Variants in STX8 observed in about 807,000 individuals in gnomAD.
The protein encoded by STX8 is syntaxin-8.
In STX8, 23 loss-of-function variants were observed where a neutral mutation model predicts 37.5. That is an observed-to-expected ratio of 0.61 (90% CI 0.44 to 0.87). STX8 has a LOEUF of 0.87. Among genes scored for constraint, STX8 ranks in the 40% least tolerant of loss-of-function variants. STX8 has a pLI of 0.00. For synonymous variants in STX8, 115 were observed against 99.1 expected, an observed-to-expected ratio of 1.16 and a Z score of -0.95; for missense variants, 313 against 284.7, an observed-to-expected ratio of 1.10 and a Z score of -0.71.
At chr17:9,281,242 G>C (rs1907869626) in intron 7 of STX8, among the ~76,000 whole-genome samples, 1 of 152,198 alleles carries the variant, frequency 6.6e-6, no homozygotes, top group East Asian at 1.9e-4. Context: ...CTGTGGGAAG[G>C]AAAAGCAGTG....
chr17:9,376,415 G>A (rs781020724), intron 7 of STX8, among the ~76,000 whole-genome samples: 4 of 141,680 alleles, frequency 2.8e-5, no homozygotes, highest in Non-Finnish European at 5.9e-5. Flanking sequence ...TGTAAAAATA[G>A]ACCAATCAGC....
intron 7 of STX8, among the ~76,000 whole-genome samples, chr17:9,286,958 G>T (rs1032302382): frequency 2.0e-5 from 3 of 152,146 alleles, no homozygotes; most frequent in African/African-American, 7.2e-5. Context: ...ATATGGGAAT[G>T]ACATTACCTG....
intron 6 of STX8, among the ~76,000 whole-genome samples, chr17:9,465,715 G>A (rs969628649): frequency 6.6e-6 from 1 of 152,122 alleles, no homozygotes; most frequent in African/African-American, 2.4e-5. Flanking sequence ...GAACAACGAC[G>A]ACAACAATAG....
At chr17:9,445,237 C>A (rs1029098562) in intron 6 of STX8, among the ~76,000 whole-genome samples, 2 of 151,956 alleles carry the variant, frequency 1.3e-5, no homozygotes, top group Non-Finnish European at 2.9e-5. Context: ...AAAATGAATA[C>A]CTATTGGCAC....
chr17:9,568,689 A>G (rs1907560367), intron 1 of STX8, among the ~76,000 whole-genome samples: 1 of 152,068 alleles, frequency 6.6e-6, no homozygotes. Flanking sequence ...TTTAGTAGAG[A>G]TGAGGTTTCA....
intron 4 of STX8, among the ~76,000 whole-genome samples, chr17:9,539,671 C>A (rs897376597): frequency 6.6e-6 from 1 of 151,780 alleles, no homozygotes; most frequent in Non-Finnish European, 1.5e-5. Flanking sequence ...TGACCCCCCC[C>A]ACCCCAAAAC....
intron 6 of STX8, among the ~76,000 whole-genome samples, chr17:9,402,387 CTGGGA>C (rs1268195114): frequency 2.0e-5 from 3 of 152,126 alleles, no homozygotes; most frequent in African/African-American, 7.2e-5. Flanking sequence ...TCCCAAAGTG[CTGGGA>C]TTACAGGCGT....
chr17:9,294,760 A>G (rs1472029259), intron 7 of STX8, among the ~76,000 whole-genome samples: 1 of 152,186 alleles, frequency 6.6e-6, no homozygotes, highest in Non-Finnish European at 1.5e-5. Flanking sequence ...ATGTAACTGT[A>G]TTTGGAGACA....
At chr17:9,280,117 G>T (rs1907830311) in intron 7 of STX8, among the ~76,000 whole-genome samples, 1 of 152,198 alleles carries the variant, frequency 6.6e-6, no homozygotes, top group Admixed American at 6.5e-5. Context: ...GCTACTGCGA[G>T]GCAGGGGTGG....
chr17:9,379,622 T>A (rs921856045), intron 6 of STX8, among the ~76,000 whole-genome samples: 1 of 152,210 alleles, frequency 6.6e-6, no homozygotes, highest in Admixed American at 6.5e-5. Context: ...AAAACTTTAA[T>A]GTTTTTTGTT....
intron 5 of STX8, among the ~76,000 whole-genome samples, chr17:9,492,878 G>A (rs1488572870): frequency 4.6e-5 from 7 of 152,256 alleles, no homozygotes; most frequent in African/African-American, 4.8e-5. Flanking sequence ...GGTGGATCAC[G>A]AGGTCAGGAG....
chr17:9,333,678 G>T (rs78084979), intron 7 of STX8, among the ~76,000 whole-genome samples: 5 of 152,178 alleles, frequency 3.3e-5, no homozygotes, highest in African/African-American at 7.2e-5. Context: ...CGTGAGCCAC[G>T]GCGCCTGGCC....
At chr17:9,279,053 T>TG (rs1252410436) in intron 7 of STX8, among the ~76,000 whole-genome samples, 2 of 107,762 alleles carry the variant, frequency 1.9e-5, no homozygotes, top group African/African-American at 7.1e-5. Flanking sequence ...TCTGTGTGTG[T>TG]GTTTTTTGTT....
At chr17:9,250,721 G>A (rs1906542625) in intron 7 of STX8, 76 bp from the exon 8 acceptor site, 4 of 1,422,662 alleles carry the variant, frequency 2.8e-6, no homozygotes, top group Non-Finnish European at 3.9e-6. Context: ...AGTGTCTGCA[G>A]AGACTCAGAG....
intron 7 of STX8, among the ~76,000 whole-genome samples, chr17:9,294,604 G>C (rs762047773): frequency 3.3e-5 from 5 of 152,184 alleles, no homozygotes; most frequent in Non-Finnish European, 7.3e-5. Flanking sequence ...CATGGGAAAG[G>C]ATTCTTAAGA....
At chr17:9,478,281 G>A (rs538297267) in intron 6 of STX8, among the ~76,000 whole-genome samples, 2 of 152,086 alleles carry the variant, frequency 1.3e-5, no homozygotes, top group African/African-American at 2.4e-5. Flanking sequence ...GATTACAGGC[G>A]TGCACCATCA....
intron 7 of STX8, among the ~76,000 whole-genome samples, chr17:9,279,959 G>A (rs1187407323): frequency 6.6e-6 from 1 of 152,294 alleles, no homozygotes; most frequent in East Asian, 1.9e-4. Flanking sequence ...ATATAACAGG[G>A]TGTGATGGCT....
intron 5 of STX8, among the ~76,000 whole-genome samples, chr17:9,503,967 T>C (rs1287914719): frequency 2.0e-5 from 3 of 152,076 alleles, no homozygotes; most frequent in African/African-American, 7.2e-5. Flanking sequence ...TTTCACCATG[T>C]TGGCCAGGCT....
At chr17:9,343,012 CTG>C (rs1910417055) in intron 7 of STX8, among the ~76,000 whole-genome samples, 1 of 85,494 alleles carries the variant, frequency 1.2e-5, no homozygotes, top group African/African-American at 4.7e-5. Flanking sequence ...AAGAGTGAAA[CTG>C]TCTCAAAAAA....
Sources: allele counts gnomAD v4.1 joint callset (sites outside exome capture counted in the v4.1 genomes callset), GRCh38; gene constraint gnomAD v4.1.1; transcripts MANE v1.5; gene names NCBI Gene and HGNC (gene_info 2026-07-23, HGNC 2026-07-21).